The following FOXP2 variants were observed in gnomAD, a reference collection of about 807,000 sequenced individuals.
The protein encoded by FOXP2 is forkhead box protein P2.
Under a neutral mutation model 115.8 loss-of-function variants are expected in FOXP2, and 12 were observed. That is an observed-to-expected ratio of 0.10 (90% CI 0.07 to 0.17). FOXP2 has a LOEUF of 0.17. FOXP2 is among the 10% of genes least tolerant of loss of function. FOXP2 has a pLI of 1.00. For synonymous variants in FOXP2, 328 were observed against 297.7 expected (o/e 1.10, Z -1.05); for missense variants, 629 against 843.5 (o/e 0.75, Z 3.15).
chr7:114,624,604 CTGTGCT>C, intron 3 of FOXP2, among the ~76,000 whole-genome samples: 1 of 151,914 alleles, frequency 6.6e-6, no homozygotes, highest in East Asian at 1.9e-4. Context: ...TGTGAAAAGA[CTGTGCT>C]TATGTAAAAC....
intron 1 of FOXP2, among the ~76,000 whole-genome samples, chr7:114,252,689 CTTT>C (rs893205495): frequency 6.6e-6 from 1 of 152,024 alleles, no homozygotes; most frequent in Non-Finnish European, 1.5e-5. Flanking sequence ...CTCTTTTCTT[CTTT>C]ATTAGTCTCG....
intron 3 of FOXP2, among the ~76,000 whole-genome samples, chr7:114,582,258 A>G (rs1391819994): frequency 6.6e-6 from 1 of 152,228 alleles, no homozygotes. Flanking sequence ...TTTAAAGATG[A>G]GCAAACTCAT....
chr7:114,620,460 T>A (rs1261913442), intron 3 of FOXP2, among the ~76,000 whole-genome samples: 1 of 152,080 alleles, frequency 6.6e-6, no homozygotes, highest in Non-Finnish European at 1.5e-5. Context: ...TGTAATTTAC[T>A]GCATGTCATG....
intron 2 of FOXP2, among the ~76,000 whole-genome samples, chr7:114,439,659 A>G (rs544396706): frequency 6.6e-6 from 1 of 152,100 alleles, no homozygotes; most frequent in South Asian, 2.1e-4. Flanking sequence ...ATCATCGCAG[A>G]TTAGCCTCCT....
At chr7:114,323,171 A>T (rs1364570701) in intron 2 of FOXP2, among the ~76,000 whole-genome samples, 1 of 152,156 alleles carries the variant, frequency 6.6e-6, no homozygotes, top group African/African-American at 2.4e-5. Context: ...ATTTAAACAC[A>T]TCAGAGCCTC....
intron 2 of FOXP2, among the ~76,000 whole-genome samples, chr7:114,399,087 A>G (rs1184068413): frequency 6.6e-6 from 1 of 150,558 alleles, no homozygotes; most frequent in Admixed American, 6.7e-5. Flanking sequence ...TTGAATATTC[A>G]TATCTTCTGA....
At chr7:114,513,024 G>A (rs1440559463) in intron 2 of FOXP2, among the ~76,000 whole-genome samples, 1 of 152,150 alleles carries the variant, frequency 6.6e-6, no homozygotes, top group South Asian at 2.1e-4. Flanking sequence ...GGAGGCTGCA[G>A]TGAGCTGAGA....
chr7:114,609,998 CAACTAT>C (rs1803543402), intron 3 of FOXP2, among the ~76,000 whole-genome samples: 1 of 152,220 alleles, frequency 6.6e-6, no homozygotes, highest in Admixed American at 6.5e-5. Flanking sequence ...GGAGACAACA[CAACTAT>C]ATTACTTGCT....
At chr7:114,265,817 G>T (rs1795880403) in intron 1 of FOXP2, among the ~76,000 whole-genome samples, 1 of 152,118 alleles carries the variant, frequency 6.6e-6, no homozygotes, top group Non-Finnish European at 1.5e-5. Context: ...CAGGGAACCT[G>T]CCAAGGATTA....
chr7:114,140,125 T>A (rs761248510), intron 1 of FOXP2, among the ~76,000 whole-genome samples: 7 of 152,006 alleles, frequency 4.6e-5, no homozygotes, highest in South Asian at 2.1e-4. Context: ...AAAAAAATTG[T>A]ATGACAACGT....
chr7:114,406,538 C>G (rs1431633243), intron 2 of FOXP2, among the ~76,000 whole-genome samples: 4 of 151,880 alleles, frequency 2.6e-5, no homozygotes, highest in African/African-American at 9.7e-5. Flanking sequence ...ATTAAAACAC[C>G]ATGCACTGTA....
chr7:114,590,954 A>G (rs542338238), intron 3 of FOXP2, among the ~76,000 whole-genome samples: 1 of 152,300 alleles, frequency 6.6e-6, no homozygotes, highest in South Asian at 2.1e-4. Flanking sequence ...TGACAAAAGC[A>G]ACTTTAAAGT....
At chr7:114,145,687 T>C (rs1261264626) in intron 1 of FOXP2, among the ~76,000 whole-genome samples, 1 of 152,032 alleles carries the variant, frequency 6.6e-6, no homozygotes, top group Non-Finnish European at 1.5e-5. Flanking sequence ...AAGGCTAAAA[T>C]GCTTAATTTC....
chr7:114,544,866 A>G (rs1222585946), intron 3 of FOXP2, among the ~76,000 whole-genome samples: 2 of 152,160 alleles, frequency 1.3e-5, no homozygotes, highest in Non-Finnish European at 2.9e-5. Flanking sequence ...CCTTCATTTC[A>G]GGAGAATTTA....
chr7:114,672,545 G>T (rs1450288116), intron 16 of FOXP2, among the ~76,000 whole-genome samples: 2 of 151,730 alleles, frequency 1.3e-5, no homozygotes, highest in African/African-American at 2.4e-5. Context: ...AGATCATGCC[G>T]CTGTGCTCCA....
At chr7:114,501,604 C>T (rs998396904) in intron 2 of FOXP2, among the ~76,000 whole-genome samples, 3 of 151,974 alleles carry the variant, frequency 2.0e-5, no homozygotes, top group Non-Finnish European at 4.4e-5. Context: ...AGGTGTGCAA[C>T]CTTGAAGCTG....
At chr7:114,536,309 T>A (rs1050542206) in intron 3 of FOXP2, among the ~76,000 whole-genome samples, 4 of 151,214 alleles carry the variant, frequency 2.6e-5, no homozygotes, top group African/African-American at 9.7e-5. Flanking sequence ...TGCTTCTTCC[T>A]CTCCAAAGCT....
At chr7:114,121,443 T>A (rs1158804439) in intron 1 of FOXP2, among the ~76,000 whole-genome samples, 1 of 152,128 alleles carries the variant, frequency 6.6e-6, no homozygotes, top group African/African-American at 2.4e-5. Flanking sequence ...AAAGATAAAT[T>A]CAGTTTTTTA....
intron 1 of FOXP2, among the ~76,000 whole-genome samples, chr7:114,222,943 C>A (rs1196087166): frequency 6.6e-6 from 1 of 152,178 alleles, no homozygotes; most frequent in African/African-American, 2.4e-5. Flanking sequence ...ACAATGCATT[C>A]ATTCAGGTTT....
Sources: gnomAD v4.1 joint callset for allele counts (sites outside exome capture counted in the v4.1 genomes callset) on GRCh38, gnomAD v4.1.1 for gene constraint, MANE v1.5 for transcripts, NCBI Gene and HGNC (gene_info 2026-07-23, HGNC 2026-07-21) for gene names.